The following SCFD2 variants were observed in gnomAD, a reference collection of about 807,000 sequenced individuals.
SCFD2 encodes sec1 family domain-containing protein 2.
In SCFD2, 54 loss-of-function variants were observed where a neutral mutation model predicts 58.9. That is an observed-to-expected ratio of 0.92 (90% CI 0.74 to 1.15). SCFD2 has a LOEUF of 1.15. Among genes scored for constraint, SCFD2 ranks in the 50% most tolerant of loss-of-function variants. SCFD2 has a pLI of 0.00. For synonymous variants in SCFD2, 321 were observed against 335.9 expected (o/e 0.96, Z 0.49); for missense variants, 805 against 836.6 (o/e 0.96, Z 0.47).
At chr4:52,928,676 T>C (rs1296607236) in intron 5 of SCFD2, among the ~76,000 whole-genome samples, 1 of 152,168 alleles carries the variant, frequency 6.6e-6, no homozygotes, top group Non-Finnish European at 1.5e-5. Context: ...TCTCAGCCTA[T>C]AGTTATTGCT....
At chr4:53,040,420 C>T (rs769703124) in intron 5 of SCFD2, among the ~76,000 whole-genome samples, 1 of 151,854 alleles carries the variant, frequency 6.6e-6, no homozygotes, top group Non-Finnish European at 1.5e-5. Flanking sequence ...GATTTTTTTT[C>T]TCCAACCATA....
intron 4 of SCFD2, among the ~76,000 whole-genome samples, chr4:53,207,902 C>T (rs560211010): frequency 2.6e-5 from 4 of 151,318 alleles, no homozygotes; most frequent in South Asian, 2.1e-4. Context: ...CCAATTAAAC[C>T]TCTTTTCTTT....
chr4:53,025,616 G>A (rs1456141624), intron 5 of SCFD2, among the ~76,000 whole-genome samples: 23 of 152,036 alleles, frequency 1.5e-4, no homozygotes, highest in Non-Finnish European at 3.2e-4. Context: ...GTGATCTACC[G>A]ACTATCCAAG....
intron 6 of SCFD2, among the ~76,000 whole-genome samples, chr4:52,917,184 G>A (rs1397877570): frequency 6.6e-6 from 1 of 152,158 alleles, no homozygotes; most frequent in Admixed American, 6.5e-5. Context: ...TGGGATTACA[G>A]GTGTGAACCA....
chr4:53,324,069 CT>C (rs1345552648), intron 2 of SCFD2, among the ~76,000 whole-genome samples: 1 of 152,036 alleles, frequency 6.6e-6, no homozygotes. Context: ...AGGTTGAAAC[CT>C]TGTGGACTAG....
At chr4:53,080,305 G>A (rs1161536996) in intron 5 of SCFD2, among the ~76,000 whole-genome samples, 1 of 152,086 alleles carries the variant, frequency 6.6e-6, no homozygotes, top group Non-Finnish European at 1.5e-5. Context: ...CTCCACTCAG[G>A]AATCTAAGAC....
chr4:53,203,993 T>A (rs1161971768), intron 4 of SCFD2, among the ~76,000 whole-genome samples: 6 of 152,174 alleles, frequency 3.9e-5, no homozygotes, highest in Non-Finnish European at 8.8e-5. Context: ...CCCTTTCTTC[T>A]ATGTGTCTCC....
intron 7 of SCFD2, among the ~76,000 whole-genome samples, chr4:52,889,814 T>C (rs1014494776): frequency 6.6e-6 from 1 of 152,198 alleles, no homozygotes; most frequent in African/African-American, 2.4e-5. Context: ...GCAATCATCA[T>C]CTTGAACTCT....
chr4:53,262,714 T>G (rs531703454), intron 4 of SCFD2, among the ~76,000 whole-genome samples: 1 of 152,356 alleles, frequency 6.6e-6, no homozygotes, highest in East Asian at 1.9e-4. Context: ...TTAGATAGCC[T>G]GATGACTATG....
At chr4:53,231,158 A>G (rs1029371030) in intron 4 of SCFD2, among the ~76,000 whole-genome samples, 4 of 152,146 alleles carry the variant, frequency 2.6e-5, no homozygotes, top group African/African-American at 9.7e-5. Flanking sequence ...TATCCCTTAT[A>G]AATTGAAAAC....
intron 5 of SCFD2, among the ~76,000 whole-genome samples, chr4:53,048,123 G>T (rs945189254): frequency 3.3e-5 from 5 of 152,136 alleles, no homozygotes; most frequent in African/African-American, 9.7e-5. Context: ...GGCCGAAGTG[G>T]GTGGGTCACC....
At chr4:53,224,117 G>A (rs1021948824) in intron 4 of SCFD2, among the ~76,000 whole-genome samples, 3 of 152,112 alleles carry the variant, frequency 2.0e-5, no homozygotes, top group Admixed American at 1.3e-4. Context: ...TTGGCTGGGC[G>A]CAGTGATTCA....
At chr4:53,286,693 C>A (rs1166018212) in intron 3 of SCFD2, among the ~76,000 whole-genome samples, 1 of 152,146 alleles carries the variant, frequency 6.6e-6, no homozygotes, top group African/African-American at 2.4e-5. Context: ...TACTCTGGGC[C>A]AGTCACAGCA....
At chr4:52,982,805 C>T (rs554302191) in intron 5 of SCFD2, among the ~76,000 whole-genome samples, 2 of 152,290 alleles carry the variant, frequency 1.3e-5, no homozygotes, top group East Asian at 3.9e-4. Context: ...TTTAAGTTTG[C>T]ACATGTAGCA....
chr4:52,887,707 G>A (rs1481411476), intron 7 of SCFD2, among the ~76,000 whole-genome samples: 1 of 152,116 alleles, frequency 6.6e-6, no homozygotes, highest in Non-Finnish European at 1.5e-5. Flanking sequence ...CCAGCAAGGA[G>A]AGAGGGAATG....
chr4:53,171,350 C>T (rs1727171919), intron 4 of SCFD2, among the ~76,000 whole-genome samples: 1 of 152,176 alleles, frequency 6.6e-6, no homozygotes, highest in South Asian at 2.1e-4. Context: ...TGCTTGCATC[C>T]CAGGGATAAA....
chr4:52,943,606 C>A (rs1228643443), intron 5 of SCFD2, among the ~76,000 whole-genome samples: 1 of 152,120 alleles, frequency 6.6e-6, no homozygotes, highest in Non-Finnish European at 1.5e-5. Context: ...GAAAACCAAC[C>A]CCCTCCATAG....
intron 2 of SCFD2, among the ~76,000 whole-genome samples, chr4:53,339,987 GT>G: frequency 6.6e-6 from 1 of 152,184 alleles, no homozygotes; most frequent in East Asian, 1.9e-4. Context: ...GGCAGAATTG[GT>G]TCCAAGATGA....
rs550056497 is a variant in SCFD2 at position 53,256,174 on chromosome 4, G to A, written c.1311+17652C>T. Among the ~76,000 whole-genome samples the A allele has an allele frequency of 5.3e-4, 80 of 150,444 alleles. 1 individual carries two copies. In the East Asian group the frequency reaches 8.7e-3, roughly 16 times the overall value. ...GGGCTCCTCACTTCTCAGACGGGGCGGCTGCCGGGCGGAGGGACTCCTGAC... is the reference window on the plus strand; with the variant it reads ...GGGCTCCTCACTTCTCAGACGGGGCAGCTGCCGGGCGGAGGGACTCCTGAC... On this transcript the variant is annotated intron_variant, in intron 4 of 8. Transcript: ENST00000401642.
Sources: gnomAD v4.1 joint callset for allele counts (sites outside exome capture counted in the v4.1 genomes callset) on GRCh38, gnomAD v4.1.1 for gene constraint, MANE v1.5 for transcripts, NCBI Gene and HGNC (gene_info 2026-07-23, HGNC 2026-07-21) for gene names.